The following SEZ6L variants were observed in gnomAD, a reference collection of about 807,000 sequenced individuals.
SEZ6L encodes seizure 6-like protein.
In SEZ6L, 37 loss-of-function variants were observed where a neutral mutation model predicts 106.2. The ratio of observed to expected loss-of-function variants is 0.35; its 90% CI spans 0.27 to 0.46. The LOEUF (loss-of-function observed/expected upper bound fraction) is 0.46, where lower values mean the gene tolerates loss of function less well. Ranked by LOEUF, SEZ6L falls within the 20% of genes least tolerant of loss-of-function variation. SEZ6L has a pLI of 1.00. For synonymous variants in SEZ6L, 541 were observed against 570.4 expected (o/e 0.95, Z 0.73); for missense variants, 1,172 against 1,332.8 (o/e 0.88, Z 1.88).
intron 5 of SEZ6L, among the ~76,000 whole-genome samples, chr22:26,303,834 C>A (rs1356824214): frequency 6.6e-6 from 1 of 152,136 alleles, no homozygotes; most frequent in African/African-American, 2.4e-5. Flanking sequence ...TCTCCTATAT[C>A]TCTGAAAATG....
At chr22:26,329,488 A>T (rs374124276) in intron 9 of SEZ6L, among the ~76,000 whole-genome samples, 6 of 151,962 alleles carry the variant, frequency 3.9e-5, no homozygotes, top group African/African-American at 1.4e-4. Context: ...GAAAAAGAAA[A>T]CTCATCATTT....
rs547051047 is a variant in SEZ6L, at chr22:26,330,332, T to C, written c.2016-10104T>C. ...AGTTGGCTTATCTGTGAAATGGGTGTGAAGAGTCGTACTTACAGGGTTAGT... is the reference window on the plus strand; with the variant it reads ...AGTTGGCTTATCTGTGAAATGGGTGCGAAGAGTCGTACTTACAGGGTTAGT... On this transcript the variant is annotated intron_variant, in intron 9 of 16. Transcript: ENST00000248933. 3.3e-5 allele frequency among the ~76,000 whole-genome samples: 5 copies of C among 152,212 alleles called. No homozygotes were observed. In the South Asian group the frequency reaches 1.0e-3, roughly 32 times the overall value.
chr22:26,296,842 A>G (rs1447846385), intron 3 of SEZ6L, 46 bp from the exon 4 acceptor site: 1 of 1,481,678 alleles, frequency 6.7e-7, no homozygotes, highest in African/African-American at 1.4e-5. Context: ...GCTCTGTCTC[A>G]AACACAACTC....
intron 9 of SEZ6L, among the ~76,000 whole-genome samples, chr22:26,324,213 C>G (rs576062140): frequency 4.6e-5 from 7 of 152,112 alleles, no homozygotes; most frequent in African/African-American, 1.7e-4. Context: ...CTCCCCGTTT[C>G]CTGGACATCT....
intron 9 of SEZ6L, among the ~76,000 whole-genome samples, chr22:26,334,692 C>G (rs946726127): frequency 2.0e-5 from 3 of 152,110 alleles, no homozygotes; most frequent in African/African-American, 7.2e-5. Flanking sequence ...CGACAGTGAC[C>G]AAGAAGAAAG....
At chr22:26,334,158 A>AAT (rs899994759) in intron 9 of SEZ6L, among the ~76,000 whole-genome samples, 14 of 152,138 alleles carry the variant, frequency 9.2e-5, no homozygotes, top group African/African-American at 3.4e-4. Flanking sequence ...TAACATATAC[A>AAT]ATATATATAT....
intron 8 of SEZ6L, among the ~76,000 whole-genome samples, chr22:26,312,284 A>G (rs1448941781): frequency 1.3e-5 from 2 of 152,252 alleles, no homozygotes; most frequent in East Asian, 1.9e-4. Context: ...CAACCCACGC[A>G]ATAACCTCAT....
chr22:26,325,651 G>T lies in SEZ6L; in HGVS notation c.2015+11749G>T, dbSNP rs369980476. On this transcript the variant is annotated intron_variant, in intron 9 of 16. Transcript: ENST00000248933. ...CTACAGTAAGAAGTCTTGGGTTCTA[G>T]TCTCAATTCTTTCACTGAGTGGCTG... 9.9e-5 allele frequency among the ~76,000 whole-genome samples: 15 copies of T among 152,260 alleles called. 1 individual carries two copies. In the South Asian group the frequency reaches 2.9e-3, roughly 29 times the overall value.
intron 1 of SEZ6L, among the ~76,000 whole-genome samples, chr22:26,255,187 G>A (rs1159420421): frequency 6.6e-6 from 1 of 152,174 alleles, no homozygotes; most frequent in Non-Finnish European, 1.5e-5. Context: ...GAAAACATCA[G>A]TGCAAACCTC....
At position 26,214,472 on chromosome 22, in the gene SEZ6L, G is replaced by A. The variant is rs141630133; in HGVS notation, c.94+44709G>A. On this transcript the variant is annotated intron_variant, in intron 1 of 16. Transcript: ENST00000248933. ...TGCAGGAACATGGATTAAAGGTTAT[G>A]GATTCCCTGATGGGGAAGAAGAGGG... Among the ~76,000 whole-genome samples the A allele has an allele frequency of 7.0e-3, 1,068 of 152,316 alleles. 19 individuals are homozygous for A. The highest frequency in any genetic ancestry group is 0.024 in the African/African-American group (997 of 41,570).
At chr22:26,358,931 A>G (rs937398320) in intron 12 of SEZ6L, among the ~76,000 whole-genome samples, 4 of 152,086 alleles carry the variant, frequency 2.6e-5, no homozygotes, top group Non-Finnish European at 4.4e-5. Flanking sequence ...CAAATGTAAA[A>G]CCTGTCTAAG....
intron 1 of SEZ6L, among the ~76,000 whole-genome samples, chr22:26,231,622 C>A (rs181822406): frequency 6.6e-6 from 1 of 152,200 alleles, no homozygotes; most frequent in African/African-American, 2.4e-5. Flanking sequence ...TTGCTGTCCA[C>A]ATTTGTTCTA....
At chr22:26,327,708 C>T (rs1300425461) in intron 9 of SEZ6L, among the ~76,000 whole-genome samples, 5 of 152,042 alleles carry the variant, frequency 3.3e-5, no homozygotes, top group East Asian at 1.9e-4. Context: ...ACACACCACA[C>T]GCACATGCGC....
Position 26,365,394 on chromosome 22 carries a change from C to G in SEZ6L, c.2622C>G (p.Asp874Glu). The G allele has an allele frequency of 6.2e-7, 1 of 1,605,546 alleles. No homozygotes were observed. ...HCVSEESLAC[D>E]NPGLPENGYQ... ...CAGCGGAGGAGTCCCTGGCATGTGA[C>G]AACCCAGGGCTGCCTGAAAATGGAT... Residue 874 changes from aspartate to glutamate, a missense_variant, in exon 13 of 17, where the codon GAC becomes GAG. Asp to Glu is a conservative substitution (Grantham distance 45). Transcript: ENST00000248933.
chr22:26,170,106 C>T (rs1298219754), intron 1 of SEZ6L, among the ~76,000 whole-genome samples: 3 of 152,106 alleles, frequency 2.0e-5, no homozygotes, highest in Non-Finnish European at 2.9e-5. Flanking sequence ...TCTCTGCAAC[C>T]GCACCCGGGG....
intron 6 of SEZ6L, among the ~76,000 whole-genome samples, chr22:26,307,289 C>G (rs781540545): frequency 9.2e-5 from 14 of 152,102 alleles, no homozygotes; most frequent in African/African-American, 2.9e-4. Context: ...CAGAAGCCAG[C>G]AGAAAATGTG....
At chr22:26,378,851 C>T (rs1025546052) in intron 16 of SEZ6L, among the ~76,000 whole-genome samples, 2 of 152,194 alleles carry the variant, frequency 1.3e-5, no homozygotes, top group African/African-American at 4.8e-5. Flanking sequence ...ATCCTGCTAA[C>T]CTTCCTTCAC....
At chr22:26,348,450 G>A (rs1320785995) in intron 11 of SEZ6L, among the ~76,000 whole-genome samples, 2 of 146,528 alleles carry the variant, frequency 1.4e-5, no homozygotes, top group East Asian at 4.1e-4. Context: ...CTATGATTAT[G>A]CCTCTGCCCT....
At chr22:26,209,975 G>GAGGA (rs770638002) in intron 1 of SEZ6L, among the ~76,000 whole-genome samples, 1 of 142,498 alleles carries the variant, frequency 7.0e-6, no homozygotes, top group Non-Finnish European at 1.5e-5. Context: ...GAGAGGGAGG[G>GAGGA]AGGAAGGAAG....
Sources: allele counts gnomAD v4.1 joint callset (sites outside exome capture counted in the v4.1 genomes callset), GRCh38; gene constraint gnomAD v4.1.1; transcripts MANE v1.5; gene names NCBI Gene and HGNC (gene_info 2026-07-23, HGNC 2026-07-21).